The following CHRM2 variants were observed in gnomAD, a reference collection of about 807,000 sequenced individuals.
The protein encoded by CHRM2 is cholinergic receptor muscarinic 2, also known as muscarinic acetylcholine receptor M2.
In CHRM2, 8 loss-of-function variants were observed where a neutral mutation model predicts 25.0. The ratio of observed to expected loss-of-function variants is 0.32; its 90% CI spans 0.19 to 0.58. The LOEUF (loss-of-function observed/expected upper bound fraction) is 0.58. Among genes scored for constraint, CHRM2 ranks in the 20% least tolerant of loss-of-function variants. CHRM2 has a pLI of 0.88. For synonymous variants in CHRM2, 202 were observed against 205.7 expected, an observed-to-expected ratio of 0.98 and a Z score of 0.15; for missense variants, 440 against 567.1, an observed-to-expected ratio of 0.78 and a Z score of 2.28.
intron 2 of CHRM2, among the ~76,000 whole-genome samples, chr7:136,892,773 G>A (rs1012730600): frequency 3.3e-5 from 5 of 150,796 alleles, no homozygotes; most frequent in South Asian, 2.1e-4. Flanking sequence ...GGGTTCCATC[G>A]ATTCTCCTGC....
rs1156959052 is a variant in CHRM2 at position 137,019,426 on chromosome 7, G to A, written c.*3160G>A. On this transcript the variant is annotated 3_prime_UTR_variant, in exon 4 of 4. Coordinates refer to ENST00000680005, the MANE Select transcript of CHRM2 (RefSeq NM_001006630.2). ...CTAGTCAATTGAGGTTGCAGTAGTTGGCCATCAAAATATTTGCAGTTGATA... is the reference window on the plus strand; with the variant it reads ...CTAGTCAATTGAGGTTGCAGTAGTTAGCCATCAAAATATTTGCAGTTGATA... 2 of 151,860 alleles carry A rather than the reference G, an allele frequency of 1.3e-5. No homozygotes were observed. The highest frequency in any genetic ancestry group is 4.8e-5 in the African/African-American group (2 of 41,478). The allele number at this position is 151,860 out of a possible 1,614,324, so 9.4% of individuals were successfully genotyped here.
intron 2 of CHRM2, among the ~76,000 whole-genome samples, chr7:136,912,130 T>A (rs1408752538): frequency 6.6e-6 from 1 of 152,054 alleles, no homozygotes; most frequent in African/African-American, 2.4e-5. Context: ...GGATTTTTTT[T>A]AATATCATAA....
rs546685646 is a variant in CHRM2, at chr7:136,963,915, C to T, written c.-124-28272C>T. Reference sequence around the variant, plus strand: ...GGTTACAGATGTTATAACAGAGACACCCTTGTCTTTTGGTGGCACTGATGT... The same window carrying T: ...GGTTACAGATGTTATAACAGAGACATCCTTGTCTTTTGGTGGCACTGATGT... On this transcript the variant is annotated intron_variant, in intron 2 of 3. Transcript: ENST00000680005. 1.6e-4 allele frequency among the ~76,000 whole-genome samples: 24 copies of T among 152,290 alleles called. 1 individual carries two copies. The South Asian group carries it at 2.3e-3, about 14-fold the overall frequency.
chr7:137,016,138 G>T lies in CHRM2; in HGVS notation c.1273G>T (p.Gly425Cys). 6.2e-7 allele frequency: 1 copy of T among 1,612,840 alleles called. No individual in the cohort carries two copies. The highest frequency in any genetic ancestry group is 8.5e-7 in the Non-Finnish European group (1 of 1,179,260). The change falls in exon 4 of 4, where the codon GGT becomes TGT. Residue 425 changes from glycine to cysteine, a missense_variant. By Grantham distance (159) the Gly-to-Cys change is radical. This residue lies in a region of CHRM2 where 65 missense variants were observed against 108.9 expected (regional missense o/e 0.60). Transcript: ENST00000680005. ...CATCCCCAACACTGTGTGGACAATT[G>T]GTTACTGGCTTTGTTACATCAACAG... Reference protein sequence around the residue: ...PCIPNTVWTIGYWLCYINSTI... With the variant: ...PCIPNTVWTICYWLCYINSTI...
intron 3 of CHRM2, among the ~76,000 whole-genome samples, chr7:137,000,463 G>T (rs569119971): frequency 8.7e-5 from 13 of 150,112 alleles, no homozygotes; most frequent in Non-Finnish European, 1.5e-4. Context: ...GCCTCCCAAA[G>T]TGCTGGGATT....
intron 3 of CHRM2, among the ~76,000 whole-genome samples, chr7:136,997,524 T>C (rs1420948554): frequency 6.6e-6 from 1 of 152,102 alleles, no homozygotes; most frequent in Non-Finnish European, 1.5e-5. Context: ...CAGATGAAGG[T>C]TTCAAAGCAG....
Position 137,015,402 on chromosome 7 carries a change from G to A in CHRM2, c.537G>A (p.Gln179=), listed in dbSNP as rs150934226. The A allele has an allele frequency of 2.5e-6, 4 of 1,613,440 alleles. No homozygotes were observed. Among genetic ancestry groups the A allele is most frequent in the East Asian group, 2.2e-5 (1 of 44,794 alleles). The change falls in exon 4 of 4, where the codon CAG becomes CAA. Residue 179 remains glutamine, a synonymous_variant. Transcript: ENST00000680005. This position sits in a 1 kb window ranked among gnomAD's most constrained non-coding sequence, Gnocchi z 5.1. ...TGGAGGATGGGGAGTGCTACATTCA[G>A]TTTTTTTCCAATGCTGCTGTCACCT... is the stretch of plus-strand genomic sequence containing the variant. The part of the protein sequence containing the change: ...RTVEDGECYI[Q]FFSNAAVTFG...
At position 136,903,091 on chromosome 7, in the gene CHRM2, A is replaced by G. The variant is rs575633559; in HGVS notation, c.-125+33673A>G. 387 of 525,738 alleles carry G rather than the reference A, an allele frequency of 7.4e-4. 7 individuals are homozygous for G. The highest frequency in any genetic ancestry group is 5.0e-3 in the South Asian group (349 of 69,846). The allele number at this position is 525,738 out of a possible 1,614,324, so 32.6% of individuals were successfully genotyped here. ...CTGACACAGAAGACAAACAACAGAA[A>G]CTCATTTGGGCTAGTGTAGGTGTAG... On this transcript the variant is annotated intron_variant, in intron 2 of 3. Coordinates refer to ENST00000680005, the MANE Select transcript of CHRM2 (RefSeq NM_001006630.2).
chr7:136,980,969 G>A (rs1260735626), intron 2 of CHRM2, among the ~76,000 whole-genome samples: 8 of 152,108 alleles, frequency 5.3e-5, no homozygotes, highest in Admixed American at 1.3e-4. Flanking sequence ...AATGAGTTAC[G>A]GAGGACTCCC....
intron 2 of CHRM2, among the ~76,000 whole-genome samples, chr7:136,881,652 G>C (rs1796270153): frequency 1.3e-5 from 2 of 151,850 alleles, no homozygotes; most frequent in Admixed American, 1.3e-4. Flanking sequence ...TTGTTTCTTA[G>C]CATCTTGTAG....
rs1331506121 is a variant in CHRM2, at chr7:137,017,843, T to C, written c.*1577T>C. On this transcript the variant is annotated 3_prime_UTR_variant, in exon 4 of 4. Transcript: ENST00000680005. ...ATCTAAGTGGTGGCATTATATAGAA[T>C]CTTGCCACGTAGAGATTTTTTATTT... 1.3e-5 allele frequency: 2 copies of C among 151,904 alleles called. No homozygotes were observed. Among genetic ancestry groups the C allele is most frequent in the Non-Finnish European group, 2.9e-5 (2 of 67,906 alleles). 9.4% of individuals were successfully genotyped at this position (151,904 alleles called of 1,614,324 possible). A position where few individuals can be genotyped will look rare whatever the true frequency, so the allele number is the denominator to read the frequency against.
chr7:136,918,462 TA>T (rs1798243306), intron 2 of CHRM2, among the ~76,000 whole-genome samples: 1 of 152,156 alleles, frequency 6.6e-6, no homozygotes, highest in Admixed American at 6.6e-5. Flanking sequence ...AAGTCTTTTA[TA>T]ATTCATACTC....
intron 2 of CHRM2, among the ~76,000 whole-genome samples, chr7:136,930,002 A>G (rs187168506): frequency 2.6e-4 from 39 of 152,266 alleles, no homozygotes; most frequent in African/African-American, 9.4e-4. Flanking sequence ...GTATGAATGG[A>G]TTGAATGTTT....
chr7:136,937,161 A>C (rs76263371), intron 2 of CHRM2, among the ~76,000 whole-genome samples: 2,335 of 152,282 alleles, frequency 0.015, 54 homozygotes, highest in African/African-American at 0.054. Flanking sequence ...TGATTTACTC[A>C]GGGATCTACA....
At chr7:136,998,322 G>C (rs1803744054) in intron 3 of CHRM2, among the ~76,000 whole-genome samples, 1 of 102,482 alleles carries the variant, frequency 9.8e-6, no homozygotes, top group African/African-American at 4.1e-5. Context: ...AACCACAGCT[G>C]ACACAAAGTG....
chr7:136,910,828 TGTGA>T (rs770213856), intron 2 of CHRM2, among the ~76,000 whole-genome samples: 4 of 148,724 alleles, frequency 2.7e-5, no homozygotes, highest in East Asian at 1.9e-4. Context: ...TGTGTGTGTG[TGTGA>T]GAGAGAGAGA....
intron 2 of CHRM2, among the ~76,000 whole-genome samples, chr7:136,904,689 T>G (rs928784743): frequency 1.3e-5 from 2 of 150,264 alleles, no homozygotes; most frequent in Non-Finnish European, 2.9e-5. Flanking sequence ...ATACTTCTTC[T>G]TTAATATTGG....
intron 2 of CHRM2, among the ~76,000 whole-genome samples, chr7:136,957,155 G>A (rs894848422): frequency 2.6e-5 from 4 of 152,188 alleles, no homozygotes; most frequent in South Asian, 4.1e-4. Flanking sequence ...ACTAACCTGC[G>A]GCAGGAGGCC....
intron 2 of CHRM2, among the ~76,000 whole-genome samples, chr7:136,877,076 T>A (rs530160624): frequency 6.6e-6 from 1 of 152,140 alleles, no homozygotes; most frequent in Admixed American, 6.6e-5. Flanking sequence ...AAATAACAGA[T>A]TGATGAACTG....
Sources: gnomAD v4.1 joint callset for allele counts (sites outside exome capture counted in the v4.1 genomes callset) on GRCh38, gnomAD v4.1.1 for gene constraint, gnomAD v4.1.1 regional missense constraint, Gnocchi (gnomAD v3.1) non-coding constraint, MANE v1.5 for transcripts, NCBI Gene and HGNC (gene_info 2026-07-23, HGNC 2026-07-21) for gene names.